Variants in USP31 observed in about 807,000 individuals in gnomAD.
USP31 encodes ubiquitin carboxyl-terminal hydrolase 31.
USP31 carries 44 observed loss-of-function variants against 119.4 expected under a neutral mutation model. That is an observed-to-expected ratio of 0.37 (90% confidence interval 0.29 to 0.47). USP31 has a LOEUF of 0.47. Among genes scored for constraint, USP31 ranks in the 20% least tolerant of loss-of-function variants. The probability of loss-of-function intolerance (pLI) is 0.99; values close to 1 mark genes in which losing one functional copy is unlikely to be tolerated. For synonymous variants in USP31, 749 were observed against 705.6 expected (o/e 1.06, Z -0.97); for missense variants, 1,643 against 1,730.2 (o/e 0.95, Z 0.89).
In USP31 at chr16:23,066,726, A is replaced by G. The variant is rs1900088685; in HGVS notation, c.*1320T>C. 6.6e-6 allele frequency: 1 copy of G among 152,222 alleles called. No individual in the cohort carries two copies. Among genetic ancestry groups the G allele is most frequent in the South Asian group, 2.1e-4 (1 of 4,836 alleles). 9.4% of individuals were successfully genotyped at this position (152,222 alleles called of 1,614,324 possible). On this transcript the variant is annotated 3_prime_UTR_variant, in exon 16 of 16. Transcript: ENST00000219689. The stretch of plus-strand genomic sequence containing the variant: ...CCAGGAGACCTTGAAAAAGCTTGCA[A>G]AACTATATACTTTGCTTATCTGTGA...
chr16:23,079,597 T>G, intron 13 of USP31: 2 of 181,192 alleles, frequency 1.1e-5, no homozygotes, highest in Non-Finnish European at 2.3e-5. Flanking sequence ...CACAATCATT[T>G]AAAATGAGAG....
At chr16:23,118,554 A>G (rs1249302436) in intron 1 of USP31, among the ~76,000 whole-genome samples, 1 of 152,230 alleles carries the variant, frequency 6.6e-6, no homozygotes, top group African/African-American at 2.4e-5. Context: ...CAAAAGCACC[A>G]AAACTTATGG....
intron 13 of USP31, among the ~76,000 whole-genome samples, chr16:23,074,301 C>A (rs1395996495): frequency 1.3e-5 from 2 of 152,100 alleles, no homozygotes; most frequent in Non-Finnish European, 2.9e-5. Flanking sequence ...CAGCCCCCTG[C>A]AAGACAAAAC....
At chr16:23,094,199 A>G (rs540892612) in intron 6 of USP31, among the ~76,000 whole-genome samples, 1 of 152,106 alleles carries the variant, frequency 6.6e-6, no homozygotes, top group East Asian at 1.9e-4. Context: ...ATTCTCTCCC[A>G]TGCCTGGCTC....
rs139829320 is a variant in USP31, at chr16:23,144,237, T to C, written c.633+4401A>G. 4.6e-5 allele frequency among the ~76,000 whole-genome samples: 7 copies of C among 152,262 alleles called. No homozygotes were observed. In the East Asian group the frequency reaches 1.4e-3, roughly 29 times the overall value. ...AGATAATAAAAGCACAAAGACATAG[T>C]AAGTGCTTTTCTAACCTCAAGGTAA... On this transcript the variant is annotated intron_variant, in intron 1 of 15. Transcript: ENST00000219689.
In USP31 at chr16:23,066,206, C is replaced by G. The variant is rs1358784252; in HGVS notation, c.*1840G>C. ...CTGAGTGCAATGGACAACAGGCTCA[C>G]AGTCAATGAATCACATGGAGCACTG... On this transcript the variant is annotated 3_prime_UTR_variant, in exon 16 of 16. Transcript: ENST00000219689. The G allele has an allele frequency of 6.6e-6, 1 of 152,524 alleles. No individual in the cohort carries two copies. The highest frequency in any genetic ancestry group is 2.4e-5 in the African/African-American group (1 of 41,422). The allele number at this position is 152,524 out of a possible 1,614,324, so 9.4% of individuals were successfully genotyped here.
rs931353754 is a variant in USP31, at chr16:23,069,310, C to T, written c.2795G>A (p.Arg932His). The change falls in exon 16 of 16, where the codon CGT becomes CAT. Residue 932 changes from arginine to histidine, a missense_variant. Around this residue, in one of 5 missense-constraint regions of USP31, gnomAD observed 699 missense variants for 650.9 expected, o/e 1.07. Transcript: ENST00000219689. ...YQEPSDSHSRREHKAVGRAPL... is the reference protein window; with the variant it reads ...YQEPSDSHSRHEHKAVGRAPL... ...GGCCCGGCCCACAGCCTTGTGCTCACGGCGACTATGACTGTCGCTTGGTTC... is the reference window on the plus strand; with the variant it reads ...GGCCCGGCCCACAGCCTTGTGCTCATGGCGACTATGACTGTCGCTTGGTTC... The T allele has an allele frequency of 7.5e-6, 12 of 1,607,092 alleles. No individual in the cohort carries two copies. The highest frequency in any genetic ancestry group is 2.2e-5 in the South Asian group (2 of 89,562).
rs776489600 is a variant in USP31 at position 23,068,970 on chromosome 16, G to C, written c.3135C>G (p.Ala1045=). The C allele has an allele frequency of 6.2e-7, 1 of 1,614,218 alleles. No individual in the cohort carries two copies. The highest frequency in any genetic ancestry group is 8.5e-7 in the Non-Finnish European group (1 of 1,180,034). ...PEKSLRKGRP[A]LASQESSLSS... is the part of the protein sequence containing the mutation. The stretch of plus-strand genomic sequence containing the variant: ...AAAGGGATGACTCCTGGCTTGCCAA[G>C]GCTGGTCTCCCCTTCCGCAAGCTTT... Residue 1045 remains alanine (A), a synonymous_variant, in exon 16 of 16, where the codon GCC becomes GCG. Transcript: ENST00000219689.
chr16:23,090,466 C>A (rs1901306954), intron 7 of USP31, among the ~76,000 whole-genome samples, 158 bp downstream of exon 7: 2 of 152,214 alleles, frequency 1.3e-5, no homozygotes, highest in Admixed American at 6.5e-5. Flanking sequence ...CCGACCAACC[C>A]CCCAAATCAG....
In USP31 at chr16:23,073,577, T is replaced by A. The variant is rs530645901; in HGVS notation, c.2335+145A>T. ...TCCCCAACTTCCTTGACTGCAGTCA[T>A]TTTAGTTTCCAGATTAAATGGAAAC... is the stretch of plus-strand genomic sequence containing the variant. On this transcript the variant is annotated intron_variant, in intron 14 of 15. Transcript: ENST00000219689. 3.7e-6 allele frequency: 4 copies of A among 1,087,978 alleles called. No individual in the cohort carries two copies. In the East Asian group the frequency reaches 1.1e-4, roughly 29 times the overall value. The allele number at this position is 1,087,978 out of a possible 1,614,324, so 67.4% of individuals were successfully genotyped here. A position where few individuals can be genotyped will look rare whatever the true frequency, so the allele number is the denominator to read the frequency against.
chr16:23,123,143 T>C (rs1902729732), intron 1 of USP31, among the ~76,000 whole-genome samples: 1 of 152,202 alleles, frequency 6.6e-6, no homozygotes, highest in Non-Finnish European at 1.5e-5. Flanking sequence ...AGATGTCCTA[T>C]TTCTTGATCT....
At chr16:23,074,015 G>T in intron 13 of USP31, 135 bp from the exon 14 acceptor site, 1 of 1,185,280 alleles carries the variant, frequency 8.4e-7, no homozygotes, top group Non-Finnish European at 1.2e-6. Context: ...CACAGAAAGA[G>T]ATTAAAAAAA....
intron 1 of USP31, among the ~76,000 whole-genome samples, chr16:23,138,819 G>T (rs1903266861): frequency 6.6e-6 from 1 of 152,078 alleles, no homozygotes; most frequent in South Asian, 2.1e-4. Flanking sequence ...CACGGAGCAG[G>T]TATTGTTTCT....
chr16:23,081,508 C>G (rs1426495773), intron 12 of USP31, among the ~76,000 whole-genome samples: 1 of 152,260 alleles, frequency 6.6e-6, no homozygotes, highest in African/African-American at 2.4e-5. Flanking sequence ...CATCTACTAG[C>G]AGCCCACCCT....
At chr16:23,077,274 C>A (rs150256355) in intron 13 of USP31, among the ~76,000 whole-genome samples, 10 of 152,232 alleles carry the variant, frequency 6.6e-5, no homozygotes, top group African/African-American at 2.2e-4. Flanking sequence ...ACAATTGCTG[C>A]CTGCAGCATT....
intron 14 of USP31, among the ~76,000 whole-genome samples, chr16:23,073,030 T>C (rs2141830568): frequency 6.6e-6 from 1 of 152,114 alleles, no homozygotes; most frequent in East Asian, 1.9e-4. Flanking sequence ...CACATTCCAA[T>C]CCTCTGTCAC....
Position 23,065,927 on chromosome 16 carries a change from T to C in USP31, c.*2119A>G, listed in dbSNP as rs901924885. The C allele has an allele frequency of 6.6e-5, 10 of 152,174 alleles. No homozygotes were observed. Among genetic ancestry groups the C allele is most frequent in the African/African-American group, 2.4e-4 (10 of 41,440 alleles). 9.4% of individuals were successfully genotyped at this position (152,174 alleles called of 1,614,324 possible). On this transcript the variant is annotated 3_prime_UTR_variant, in exon 16 of 16. Coordinates refer to ENST00000219689, the MANE Select transcript of USP31 (RefSeq NM_020718.4). ...ATTAAACAAAAATGAGAGGTTTGAG[T>C]TAGACATTCAATTCCTGATATAGAT...
intron 13 of USP31, among the ~76,000 whole-genome samples, chr16:23,077,563 G>T (rs1433025291): frequency 6.6e-6 from 1 of 152,060 alleles, no homozygotes; most frequent in Non-Finnish European, 1.5e-5. Context: ...CCCAGGATTG[G>T]CCAGACCCCA....
rs1901922070 is a variant in USP31, at chr16:23,102,476, A to G, written c.1090-13T>C. Reference sequence around the variant, plus strand: ...CTGTTAACACAATCTAAAAATAGGAAAAATGTAAACAGGTGGGTAACTGGA... The same window carrying G: ...CTGTTAACACAATCTAAAAATAGGAGAAATGTAAACAGGTGGGTAACTGGA... On this transcript the variant is annotated splice_polypyrimidine_tract_variant and intron_variant, in intron 5 of 15. Transcript: ENST00000219689. The G allele has an allele frequency of 6.3e-7, 1 of 1,599,456 alleles. No homozygotes were observed. The highest frequency in any genetic ancestry group is 8.5e-7 in the Non-Finnish European group (1 of 1,174,502).
Sources: allele counts gnomAD v4.1 joint callset (sites outside exome capture counted in the v4.1 genomes callset), GRCh38; gene constraint gnomAD v4.1.1; regional missense constraint gnomAD v4.1.1; transcripts MANE v1.5; gene names NCBI Gene and HGNC (gene_info 2026-07-23, HGNC 2026-07-21).